CDC42BPA: variants seen among roughly 807,000 people sequenced by gnomAD.
CDC42BPA encodes the protein serine/threonine-protein kinase MRCK alpha.
Under a neutral mutation model 223.5 loss-of-function variants are expected in CDC42BPA, and 80 were observed. The observed-to-expected ratio is 0.36, with a 90% CI of 0.30 to 0.43. The LOEUF is 0.43. Ranked by LOEUF, CDC42BPA falls within the 20% of genes least tolerant of loss-of-function variation. CDC42BPA has a pLI of 1.00. For missense variants in CDC42BPA, 1,743 were observed against 2,099.9 expected (o/e 0.83, Z 3.32); for synonymous variants, 694 against 718.6 (o/e 0.97, Z 0.55).
chr1:227,313,881 G>T (rs1353128233), intron 1 of CDC42BPA, among the ~76,000 whole-genome samples: 1 of 152,064 alleles, frequency 6.6e-6, no homozygotes, highest in Non-Finnish European at 1.5e-5. Flanking sequence ...TACAAAATCT[G>T]AATAAGCTAT....
At chr1:226,999,259 C>T (rs1239194495) in intron 35 of CDC42BPA, among the ~76,000 whole-genome samples, 1 of 151,756 alleles carries the variant, frequency 6.6e-6, no homozygotes, top group East Asian at 1.9e-4. Flanking sequence ...TCACTGCAAG[C>T]TCTGCCTCCC....
intron 22 of CDC42BPA, among the ~76,000 whole-genome samples, chr1:227,050,652 G>C (rs1416986063): frequency 6.6e-6 from 1 of 152,052 alleles, no homozygotes; most frequent in Non-Finnish European, 1.5e-5. Flanking sequence ...AACCTGAAAA[G>C]CAGACTTCTG....
chr1:227,016,033 T>A (rs1666165506), intron 34 of CDC42BPA, 47 bp downstream of exon 34: 1 of 937,638 alleles, frequency 1.1e-6, no homozygotes, highest in East Asian at 2.4e-5. Context: ...GTATTTATAC[T>A]CCCCCCACAC....
chr1:227,048,046 G>C (rs769570288), intron 22 of CDC42BPA, 36 bp from the exon 23 acceptor site: 2 of 1,236,810 alleles, frequency 1.6e-6, no homozygotes, highest in South Asian at 2.6e-5. Flanking sequence ...TAAATGTCAT[G>C]AAACACTCCA....
At chr1:227,148,772 C>CAAAAAAAAAAA (rs57635319) in intron 6 of CDC42BPA, among the ~76,000 whole-genome samples, 12 of 78,784 alleles carry the variant, frequency 1.5e-4, no homozygotes, top group African/African-American at 5.6e-4. Flanking sequence ...GTCTCAAAAG[C>CAAAAAAAAAAA]AAAAAAAAAA....
At chr1:227,094,725 T>C (rs549334372) in intron 15 of CDC42BPA, among the ~76,000 whole-genome samples, 2 of 152,252 alleles carry the variant, frequency 1.3e-5, no homozygotes, top group African/African-American at 4.8e-5. Context: ...GTTTAATGTG[T>C]TGACTCAATA....
intron 2 of CDC42BPA, among the ~76,000 whole-genome samples, chr1:227,213,554 A>G (rs549694965): frequency 1.1e-3 from 168 of 152,268 alleles, no homozygotes; most frequent in African/African-American, 3.9e-3. Context: ...ATCTACTATC[A>G]CTAAGAAACT....
intron 2 of CDC42BPA, among the ~76,000 whole-genome samples, chr1:227,230,666 A>T (rs1278874471): frequency 1.3e-5 from 2 of 152,060 alleles, no homozygotes; most frequent in African/African-American, 4.8e-5. Flanking sequence ...TTGTAAGATG[A>T]TCCCTTAACT....
intron 21 of CDC42BPA, among the ~76,000 whole-genome samples, chr1:227,054,476 T>C (rs1433666876): frequency 4.6e-5 from 7 of 152,200 alleles, no homozygotes; most frequent in African/African-American, 1.7e-4. Flanking sequence ...ATGAAATCAG[T>C]GAACCTAAAA....
At chr1:227,273,030 C>T (rs747766271) in intron 1 of CDC42BPA, among the ~76,000 whole-genome samples, 5 of 152,214 alleles carry the variant, frequency 3.3e-5, no homozygotes, top group South Asian at 4.1e-4. Flanking sequence ...CGGTGGCTCA[C>T]GCCTGTAATC....
intron 3 of CDC42BPA, among the ~76,000 whole-genome samples, chr1:227,204,671 T>C (rs1205477495): frequency 6.6e-6 from 1 of 152,210 alleles, no homozygotes; most frequent in Non-Finnish European, 1.5e-5. Flanking sequence ...GTAAAATTTT[T>C]TTAAATTTTA....
intron 15 of CDC42BPA, among the ~76,000 whole-genome samples, chr1:227,096,696 T>C (rs1291553937): frequency 6.6e-6 from 1 of 152,222 alleles, no homozygotes; most frequent in Non-Finnish European, 1.5e-5. Context: ...TCTTTTCAGC[T>C]GTCTTTGTGA....
intron 15 of CDC42BPA, among the ~76,000 whole-genome samples, chr1:227,098,493 G>GA (rs1239318997): frequency 2.0e-5 from 3 of 151,880 alleles, no homozygotes; most frequent in South Asian, 4.2e-4. Flanking sequence ...CTTGTCAGGG[G>GA]AAAAAATGTG....
chr1:227,042,216 G>A (rs1428506720), intron 23 of CDC42BPA, among the ~76,000 whole-genome samples: 2 of 151,640 alleles, frequency 1.3e-5, no homozygotes, highest in Non-Finnish European at 2.9e-5. Flanking sequence ...ACCTGAAACA[G>A]TAGCAATGAA....
chr1:227,305,657 T>C (rs1692405660), intron 1 of CDC42BPA, among the ~76,000 whole-genome samples: 4 of 152,176 alleles, frequency 2.6e-5, no homozygotes, highest in Admixed American at 2.0e-4. Context: ...GACACCACTT[T>C]TTCAGCCATT....
chr1:227,025,643 G>T (rs755325855), intron 31 of CDC42BPA, among the ~76,000 whole-genome samples: 1 of 152,032 alleles, frequency 6.6e-6, no homozygotes, highest in Non-Finnish European at 1.5e-5. Flanking sequence ...AACAGTTTTG[G>T]TTCTAAGTTT....
At chr1:227,157,393 T>A (rs1007574) in intron 6 of CDC42BPA, among the ~76,000 whole-genome samples, 30,398 of 152,184 alleles carry the variant, frequency 0.2, 3,140 homozygotes, top group Middle Eastern at 0.26. Flanking sequence ...AACCTCAGTT[T>A]ACACATTTTT....
chr1:227,152,294 T>C (rs191486665), intron 6 of CDC42BPA, among the ~76,000 whole-genome samples: 3 of 152,220 alleles, frequency 2.0e-5, no homozygotes, highest in African/African-American at 2.4e-5. Context: ...AAGAAATCAC[T>C]GACAAATCCA....
At chr1:227,067,818 A>T (rs1572602282) in intron 21 of CDC42BPA, among the ~76,000 whole-genome samples, 1 of 152,274 alleles carries the variant, frequency 6.6e-6, no homozygotes, top group South Asian at 2.1e-4. Context: ...ATAAAACATT[A>T]AAAAATCTCC....
Sources: allele counts gnomAD v4.1 joint callset (sites outside exome capture counted in the v4.1 genomes callset), GRCh38; gene constraint gnomAD v4.1.1; transcripts MANE v1.5; gene names NCBI Gene and HGNC (gene_info 2026-07-23, HGNC 2026-07-21).